The following GRIA3 variants were observed in gnomAD, a reference collection of about 807,000 sequenced individuals.
GRIA3 encodes the protein glutamate ionotropic receptor AMPA type subunit 3.
Under a neutral mutation model 63.0 loss-of-function variants are expected in GRIA3, and 3 were observed. That is an observed-to-expected ratio of 0.05 (90% CI 0.02 to 0.12). The LOEUF is 0.12. Ranked by LOEUF, GRIA3 falls within the 10% of genes least tolerant of loss-of-function variation. The probability of loss-of-function intolerance (pLI) is 1.00; values close to 1 mark genes in which losing one functional copy is unlikely to be tolerated. For missense variants in GRIA3, 347 were observed against 700.9 expected (o/e 0.50, Z 5.70); for synonymous variants, 274 against 257.9 (o/e 1.06, Z -0.60).
At chrX:123,371,733 A>G (rs759634080) in intron 5 of GRIA3, among the ~76,000 whole-genome samples, 1 of 111,529 alleles carries the variant, frequency 9.0e-6, no homozygotes, top group African/African-American at 3.2e-5. Flanking sequence ...GAATTGGATT[A>G]GATTTTTTTT....
intron 2 of GRIA3, among the ~76,000 whole-genome samples, chrX:123,229,957 C>T (rs2044267784): frequency 9.0e-6 from 1 of 111,642 alleles, no homozygotes; most frequent in Non-Finnish European, 1.9e-5. Flanking sequence ...TAAAGCTTCC[C>T]AGGGGATCTG....
At position 123,283,147 on chromosome X, in the gene GRIA3, G is replaced by T. The variant is rs775080124; in HGVS notation, c.508+29605G>T. On this transcript the variant is annotated intron_variant, in intron 3 of 15. Transcript: ENST00000620443. ...TCATCCGGGAAGCACAAGGGGTCGG[G>T]GAACTCCCTCCCTTAGCCAAGGGAA... 2.7e-5 allele frequency among the ~76,000 whole-genome samples: 3 copies of T among 111,392 alleles called. No individual in the cohort carries two copies. In the Admixed American group the frequency reaches 2.8e-4, roughly 11 times the overall value.
intron 12 of GRIA3, among the ~76,000 whole-genome samples, chrX:123,455,391 C>T (rs1281878326): frequency 8.9e-6 from 1 of 112,033 alleles, no homozygotes; most frequent in African/African-American, 3.2e-5. Context: ...GTGTGCCTTG[C>T]TCCAAATCAA....
chrX:123,320,180 C>A (rs1459904111), intron 3 of GRIA3, among the ~76,000 whole-genome samples: 1 of 111,652 alleles, frequency 9.0e-6, no homozygotes, highest in Non-Finnish European at 1.9e-5. Flanking sequence ...CCATTGTCTT[C>A]CCACTCCACT....
chrX:123,268,308 CTT>C (rs1000011071), intron 3 of GRIA3, among the ~76,000 whole-genome samples: 13 of 110,656 alleles, frequency 1.2e-4, no homozygotes, highest in Admixed American at 7.7e-4. Context: ...GGTCCAGTCT[CTT>C]TTTCTCTTGG....
chrX:123,270,475 T>G (rs2044514365), intron 3 of GRIA3, among the ~76,000 whole-genome samples: 1 of 112,610 alleles, frequency 8.9e-6, no homozygotes, highest in African/African-American at 3.2e-5. Context: ...AATTCAAGCT[T>G]CCCTCATCAC....
intron 4 of GRIA3, among the ~76,000 whole-genome samples, chrX:123,351,824 A>G (rs1430323823): frequency 2.7e-5 from 3 of 112,226 alleles, no homozygotes. Context: ...GCTTCAATAC[A>G]TCAGCTTTGT....
intron 5 of GRIA3, among the ~76,000 whole-genome samples, chrX:123,386,193 G>C (rs776233881): frequency 9.7e-4 from 108 of 111,693 alleles, no homozygotes; most frequent in Non-Finnish European, 1.8e-3. Flanking sequence ...CATTTGATTA[G>C]TGATGTTGAG....
At chrX:123,463,105 G>C (rs1295542570) in intron 12 of GRIA3, among the ~76,000 whole-genome samples, 1 of 111,592 alleles carries the variant, frequency 9.0e-6, no homozygotes, top group East Asian at 2.8e-4. Context: ...TTGGCAGAAA[G>C]AACTAAGTTT....
At chrX:123,251,946 C>A (rs936513987) in intron 2 of GRIA3, among the ~76,000 whole-genome samples, 6 of 112,277 alleles carry the variant, frequency 5.3e-5, no homozygotes, top group African/African-American at 1.9e-4. Flanking sequence ...GCAGGGAAAG[C>A]AAAATACTAC....
intron 1 of GRIA3, among the ~76,000 whole-genome samples, chrX:123,185,199 G>T (rs1009751509): frequency 2.7e-5 from 3 of 111,781 alleles, no homozygotes; most frequent in Non-Finnish European, 5.7e-5. Context: ...GGTAGGAGGC[G>T]GGGGTGAGAC....
intron 11 of GRIA3, among the ~76,000 whole-genome samples, chrX:123,426,052 C>T (rs1026868346): frequency 9.0e-5 from 10 of 111,051 alleles, no homozygotes; most frequent in Admixed American, 7.7e-4. Flanking sequence ...CCCAGAACTA[C>T]CCTCTTCCCA....
At chrX:123,362,078 G>A (rs1052758316) in intron 5 of GRIA3, among the ~76,000 whole-genome samples, 7 of 111,772 alleles carry the variant, frequency 6.3e-5, no homozygotes, top group African/African-American at 2.3e-4. Flanking sequence ...CAATGAACCA[G>A]CACCAGTCTG....
At chrX:123,472,424 AC>A (rs2045868793) in intron 13 of GRIA3, among the ~76,000 whole-genome samples, 1 of 111,203 alleles carries the variant, frequency 9.0e-6, no homozygotes, top group Admixed American at 9.6e-5. Flanking sequence ...ATATGATAAA[AC>A]CCAATAAAAT....
chrX:123,413,339 G>A (rs753306760), intron 10 of GRIA3, among the ~76,000 whole-genome samples: 1 of 108,582 alleles, frequency 9.2e-6, no homozygotes, highest in Non-Finnish European at 1.9e-5. Flanking sequence ...CTATCTTTTA[G>A]ACTTAAAAGA....
chrX:123,312,640 G>A (rs1272506987), intron 3 of GRIA3, among the ~76,000 whole-genome samples: 1 of 111,599 alleles, frequency 9.0e-6, no homozygotes, highest in African/African-American at 3.3e-5. Context: ...TTGTTTGTGG[G>A]CTCTCTCACT....
At chrX:123,406,455 T>C (rs1279162183) in intron 10 of GRIA3, among the ~76,000 whole-genome samples, 4 of 111,760 alleles carry the variant, frequency 3.6e-5, no homozygotes, top group African/African-American at 1.3e-4. Context: ...GAATAAGGTA[T>C]AGCTCTCCAA....
intron 11 of GRIA3, among the ~76,000 whole-genome samples, chrX:123,418,531 A>G (rs1407678957): frequency 1.8e-5 from 2 of 112,506 alleles, no homozygotes; most frequent in Non-Finnish European, 3.8e-5. Flanking sequence ...CATCCAGAAT[A>G]TATAACACCT....
chrX:123,483,100 C>T, intron 15 of GRIA3, 54 bp downstream of exon 15: 5 of 932,233 alleles, frequency 5.4e-6, no homozygotes, highest in Admixed American at 5.2e-5. Flanking sequence ...ATGTCAATCT[C>T]TTTTTTTCTT....
Sources: gnomAD v4.1 joint callset for allele counts (sites outside exome capture counted in the v4.1 genomes callset) on GRCh38, gnomAD v4.1.1 for gene constraint, MANE v1.5 for transcripts, NCBI Gene and HGNC (gene_info 2026-07-23, HGNC 2026-07-21) for gene names.